CSMD1: variants seen among roughly 807,000 people sequenced by gnomAD.
CSMD1 encodes the protein CUB and sushi domain-containing protein 1.
CSMD1 carries 213 observed loss-of-function variants against 417.5 expected under a neutral mutation model. The ratio of observed to expected loss-of-function variants is 0.51; its 90% CI spans 0.46 to 0.57. The LOEUF (loss-of-function observed/expected upper bound fraction) is 0.57. Ranked by LOEUF, CSMD1 falls within the 20% of genes least tolerant of loss-of-function variation. The pLI is 0.00. For synonymous variants in CSMD1, 2,862 were observed against 1,736.8 expected (o/e 1.65, Z -16.11); for missense variants, 6,923 against 4,529.7 (o/e 1.53, Z -15.17).
intron 2 of CSMD1, among the ~76,000 whole-genome samples, chr8:4,549,904 A>AG (rs907957915): frequency 6.6e-6 from 1 of 150,392 alleles, no homozygotes; most frequent in African/African-American, 2.4e-5. Context: ...CTCAAAAAAA[A>AG]AAAAAAAAAA....
chr8:3,783,734 C>T (rs572365022), intron 5 of CSMD1, among the ~76,000 whole-genome samples: 1 of 152,326 alleles, frequency 6.6e-6, no homozygotes, highest in South Asian at 2.1e-4. Context: ...CATTCTTACT[C>T]CTGCTATTCA....
chr8:3,938,193 T>C (rs188267811), intron 5 of CSMD1, among the ~76,000 whole-genome samples: 14 of 152,142 alleles, frequency 9.2e-5, no homozygotes, highest in Non-Finnish European at 1.8e-4. Context: ...ACATTGCCTG[T>C]CATTTTTGGG....
intron 1 of CSMD1, among the ~76,000 whole-genome samples, chr8:4,840,212 G>A (rs887636659): frequency 6.6e-6 from 1 of 152,338 alleles, no homozygotes; most frequent in Middle Eastern, 3.4e-3. Context: ...CATGGTCTAT[G>A]AGTCTTTCCT....
At chr8:2,947,572 G>C (rs1448573815) in intron 68 of CSMD1, among the ~76,000 whole-genome samples, 1 of 152,166 alleles carries the variant, frequency 6.6e-6, no homozygotes, top group Non-Finnish European at 1.5e-5. Context: ...AAGGGGTAAT[G>C]CAAAGAAAAC....
chr8:3,829,270 A>C (rs4269566), intron 5 of CSMD1, among the ~76,000 whole-genome samples: 51,792 of 151,944 alleles, frequency 0.34, 9,392 homozygotes, highest in East Asian at 0.59. Context: ...TGAGTGAGAA[A>C]ATACGATGTT....
At chr8:3,930,438 C>A (rs140648333) in intron 5 of CSMD1, among the ~76,000 whole-genome samples, 1 of 150,658 alleles carries the variant, frequency 6.6e-6, no homozygotes, top group African/African-American at 2.4e-5. Context: ...AAAGCCTGTT[C>A]TTCTTCCTTA....
intron 7 of CSMD1, among the ~76,000 whole-genome samples, chr8:3,680,899 A>C (rs1356762845): frequency 2.0e-5 from 3 of 152,220 alleles, no homozygotes; most frequent in Non-Finnish European, 4.4e-5. Context: ...CAAATCAGTA[A>C]ACGTAATCCA....
intron 3 of CSMD1, among the ~76,000 whole-genome samples, chr8:4,035,148 G>C (rs552123485): frequency 1.3e-5 from 2 of 151,364 alleles, no homozygotes; most frequent in East Asian, 1.9e-4. Flanking sequence ...ATACAACATC[G>C]GTCCCAGGAG....
chr8:4,914,583 GAAAAA>G lies in CSMD1; in HGVS notation c.85+79744_85+79748del, dbSNP rs59293226. Among the ~76,000 whole-genome samples the G allele has an allele frequency of 6.4e-4, 85 of 133,686 alleles. 1 individual carries two copies. Among genetic ancestry groups the G allele is most frequent in the East Asian group, 3.2e-3 (14 of 4,346 alleles). 87.7% of individuals were successfully genotyped at this position (133,686 alleles called of 152,430 possible). A position where few individuals can be genotyped will look rare whatever the true frequency, so the allele number is the denominator to read the frequency against. ...ACAGCGAGACTCCATCTCCCAAAAA[GAAAAA>G]AAAAAAAAAAAAAAATAGAAGATAG... On this transcript the variant is annotated intron_variant, in intron 1 of 69. Coordinates refer to ENST00000635120, the MANE Select transcript of CSMD1 (RefSeq NM_033225.6).
chr8:4,123,133 G>C (rs527835148), intron 3 of CSMD1, among the ~76,000 whole-genome samples: 20 of 152,344 alleles, frequency 1.3e-4, no homozygotes, highest in African/African-American at 4.8e-4. Flanking sequence ...AAAATAGGAA[G>C]ATGAAGAATA....
chr8:4,387,570 C>CAAAAAAA lies in CSMD1; in HGVS notation c.415+32376_415+32382dup, dbSNP rs540419006. Among the ~76,000 whole-genome samples, 306 of 37,204 alleles carry CAAAAAAA rather than the reference C, an allele frequency of 8.2e-3. 55 individuals are homozygous for CAAAAAAA. The highest frequency in any genetic ancestry group is 0.02 in the South Asian group (13 of 636). The allele number at this position is 37,204 out of a possible 152,430, so 24.4% of individuals were successfully genotyped here. A position where few individuals can be genotyped will look rare whatever the true frequency, so the allele number is the denominator to read the frequency against. On this transcript the variant is annotated intron_variant, in intron 3 of 69. Transcript: ENST00000635120. The stretch of plus-strand genomic sequence containing the variant: ...GAAGAGATGCATAAATCCAAACTGG[C>CAAAAAAA]AAAAAAAAAAAAAAAAAAAAAAGAG...
chr8:4,202,279 T>C (rs368252694), intron 3 of CSMD1, among the ~76,000 whole-genome samples: 2 of 152,182 alleles, frequency 1.3e-5, no homozygotes, highest in East Asian at 3.9e-4. Flanking sequence ...TGTTACTGAT[T>C]ATGCTTTAAA....
chr8:4,296,916 G>T (rs1188945483), intron 3 of CSMD1, among the ~76,000 whole-genome samples: 1 of 151,976 alleles, frequency 6.6e-6, no homozygotes, highest in African/African-American at 2.4e-5. Flanking sequence ...ATATTCCTGT[G>T]CATGAGTGAT....
At chr8:4,933,986 C>G (rs534702189) in intron 1 of CSMD1, among the ~76,000 whole-genome samples, 16 of 151,352 alleles carry the variant, frequency 1.1e-4, no homozygotes, top group African/African-American at 3.6e-4. Flanking sequence ...TCAACAGTTA[C>G]TTACGTTTAT....
intron 7 of CSMD1, among the ~76,000 whole-genome samples, chr8:3,690,059 A>C (rs1208120118): frequency 1.3e-5 from 2 of 152,234 alleles, no homozygotes; most frequent in Non-Finnish European, 2.9e-5. Flanking sequence ...TAATAAATGT[A>C]ATCCAAACAT....
chr8:4,192,911 C>T (rs1274787612), intron 3 of CSMD1, among the ~76,000 whole-genome samples: 1 of 152,202 alleles, frequency 6.6e-6, no homozygotes, highest in Non-Finnish European at 1.5e-5. Flanking sequence ...TAAGGACATA[C>T]TCACTTTACC....
At chr8:4,658,031 C>G (rs1390689249) in intron 1 of CSMD1, among the ~76,000 whole-genome samples, 1 of 151,478 alleles carries the variant, frequency 6.6e-6, no homozygotes, top group Non-Finnish European at 1.5e-5. Flanking sequence ...TTGAAAATAT[C>G]CAGTATGAAG....
At chr8:3,365,009 A>G (rs529197042) in intron 20 of CSMD1, among the ~76,000 whole-genome samples, 1 of 152,324 alleles carries the variant, frequency 6.6e-6, no homozygotes, top group African/African-American at 2.4e-5. Context: ...GACTTGCGTC[A>G]CTGCCATTTT....
chr8:3,753,171 A>G (rs1053932634), intron 6 of CSMD1, among the ~76,000 whole-genome samples: 8 of 152,260 alleles, frequency 5.3e-5, no homozygotes, highest in Non-Finnish European at 1.2e-4. Context: ...CATCGTCACA[A>G]TGTGGGGAAA....
Sources: gnomAD v4.1 joint callset for allele counts (sites outside exome capture counted in the v4.1 genomes callset) on GRCh38, gnomAD v4.1.1 for gene constraint, MANE v1.5 for transcripts, NCBI Gene and HGNC (gene_info 2026-07-23, HGNC 2026-07-21) for gene names.